Variants in SLC13A3 observed in about 807,000 individuals in gnomAD.
SLC13A3 encodes the protein solute carrier family 13 member 3, also known as Na(+)/dicarboxylate cotransporter 3.
SLC13A3 carries 40 observed loss-of-function variants against 59.0 expected under a neutral mutation model. The observed-to-expected ratio is 0.68, with a 90% CI of 0.53 to 0.88. The LOEUF (loss-of-function observed/expected upper bound fraction) is 0.88, where lower values mean the gene tolerates loss of function less well. Among genes scored for constraint, SLC13A3 ranks in the 40% least tolerant of loss-of-function variants. SLC13A3 has a pLI of 0.00. For synonymous variants in SLC13A3, 317 were observed against 330.3 expected, an observed-to-expected ratio of 0.96 and a Z score of 0.44; for missense variants, 699 against 783.2, an observed-to-expected ratio of 0.89 and a Z score of 1.28.
At chr20:46,580,502 T>C (rs1159718926) in intron 9 of SLC13A3, among the ~76,000 whole-genome samples, 1 of 149,354 alleles carries the variant, frequency 6.7e-6, no homozygotes, top group Non-Finnish European at 1.5e-5. Context: ...TATAAATATA[T>C]ACAATATATA....
chr20:46,562,978 G>A (rs763490247), intron 12 of SLC13A3, among the ~76,000 whole-genome samples: 1 of 152,182 alleles, frequency 6.6e-6, no homozygotes, highest in African/African-American at 2.4e-5. Context: ...GGGACCTTCC[G>A]GGGGAGGGAA....
rs1600520292 is a variant in SLC13A3, at chr20:46,585,305, A to C, written c.1122-1636T>G. 7.1e-6 allele frequency: 7 copies of C among 989,576 alleles called. No homozygotes were observed. In the South Asian group the frequency reaches 2.8e-4, roughly 39 times the overall value. The allele number at this position is 989,576 out of a possible 1,614,324, so 61.3% of individuals were successfully genotyped here. A position where few individuals can be genotyped will look rare whatever the true frequency, so the allele number is the denominator to read the frequency against. On this transcript the variant is annotated intron_variant, in intron 8 of 12. Transcript: ENST00000279027. ...ATACACCAAACTGCTCATGGTGATGATCTCTGGGCAGTGGGACATAAAGTG... is the reference window on the plus strand; with the variant it reads ...ATACACCAAACTGCTCATGGTGATGCTCTCTGGGCAGTGGGACATAAAGTG...
chr20:46,651,900 T>C (rs1200763790), upstream of SLC13A3, among the ~76,000 whole-genome samples: 1 of 152,214 alleles, frequency 6.6e-6, no homozygotes, highest in Non-Finnish European at 1.5e-5. Context: ...TGGAATACTA[T>C]GCAGTCACAA....
At chr20:46,583,272 T>A in intron 9 of SLC13A3, 1 of 717,814 alleles carries the variant, frequency 1.4e-6, no homozygotes, top group Non-Finnish European at 1.8e-6. Flanking sequence ...TAGTAAAATG[T>A]TTTTCTTTTG....
chr20:46,679,716 G>A (rs1377862045), intron 1 of SLC13A3, among the ~76,000 whole-genome samples: 1 of 152,076 alleles, frequency 6.6e-6, no homozygotes, highest in Non-Finnish European at 1.5e-5. Flanking sequence ...AGACCAGCTT[G>A]GCCAATATGG....
At chr20:46,683,874 C>A (rs1338780144) in intron 1 of SLC13A3, among the ~76,000 whole-genome samples, 1 of 152,150 alleles carries the variant, frequency 6.6e-6, no homozygotes, top group Non-Finnish European at 1.5e-5. Context: ...TTTTACTGGA[C>A]CAGCTGGTTT....
chr20:46,615,205 G>A (rs1252318168), intron 1 of SLC13A3, among the ~76,000 whole-genome samples: 1 of 152,140 alleles, frequency 6.6e-6, no homozygotes, highest in African/African-American at 2.4e-5. Context: ...CAACGATCTT[G>A]CATATTCTAG....
At chr20:46,583,891 C>G in intron 8 of SLC13A3, 1 of 985,362 alleles carries the variant, frequency 1.0e-6, no homozygotes, top group Non-Finnish European at 1.2e-6. Context: ...TGGGCTCAAG[C>G]AAATGCTTAT....
intron 11 of SLC13A3, 74 bp from the exon 12 acceptor site, chr20:46,563,625 A>AGAGAGAGC: frequency 6.7e-7 from 1 of 1,489,582 alleles, no homozygotes; most frequent in Non-Finnish European, 9.1e-7. Context: ...GGAGAGAGAG[A>AGAGAGAGC]GAGAGAGGCA....
intron 1 of SLC13A3, among the ~76,000 whole-genome samples, chr20:46,632,906 TAG>T (rs147754429): frequency 8.5e-5 from 5 of 58,950 alleles, no homozygotes; most frequent in East Asian, 4.7e-4. Flanking sequence ...GATAGATAGA[TAG>T]ATATATCTAT....
At chr20:46,615,927 G>C (rs2062549908) in intron 1 of SLC13A3, among the ~76,000 whole-genome samples, 1 of 152,160 alleles carries the variant, frequency 6.6e-6, no homozygotes. Flanking sequence ...AGCTGCCACA[G>C]TTAATACAAA....
upstream of SLC13A3, among the ~76,000 whole-genome samples, chr20:46,654,885 T>C (rs2062973345): frequency 6.6e-6 from 1 of 152,170 alleles, no homozygotes; most frequent in South Asian, 2.1e-4. Flanking sequence ...CAAATTCTCT[T>C]AGTTTTCCAA....
rs144870809 is a variant in SLC13A3, at chr20:46,613,084, T to A, written c.377+376A>T. ...ACAGGCAGACAGAGGTTAAGTTATT[T>A]TTCAGAGCAGGTCACCTGGGATTCA... On this transcript the variant is annotated intron_variant, in intron 2 of 12. Coordinates refer to ENST00000279027, the MANE Select transcript of SLC13A3 (RefSeq NM_022829.6). Among the ~76,000 whole-genome samples, 9 of 151,832 alleles carry A rather than the reference T, an allele frequency of 5.9e-5. No individual in the cohort carries two copies. The East Asian group carries it at 1.7e-3, about 29-fold the overall frequency.
intron 12 of SLC13A3, among the ~76,000 whole-genome samples, chr20:46,561,459 G>A (rs1158436909): frequency 1.3e-5 from 2 of 152,162 alleles, no homozygotes; most frequent in African/African-American, 2.4e-5. Flanking sequence ...CTCTGCTCCT[G>A]TCAGTTGCCC....
chr20:46,596,470 A>G, intron 4 of SLC13A3, 128 bp from the exon 5 acceptor site: 1 of 738,930 alleles, frequency 1.4e-6, no homozygotes, highest in South Asian at 1.7e-5. Context: ...ACCCGTAACA[A>G]GGTGCAACTC....
intron 9 of SLC13A3, among the ~76,000 whole-genome samples, chr20:46,578,704 T>G (rs1424455257): frequency 6.6e-6 from 1 of 151,884 alleles, no homozygotes; most frequent in Non-Finnish European, 1.5e-5. Flanking sequence ...GCCAAGAAAT[T>G]TCATGTGCTA....
At chr20:46,678,691 A>C (rs907219238) in intron 1 of SLC13A3, among the ~76,000 whole-genome samples, 1 of 151,858 alleles carries the variant, frequency 6.6e-6, no homozygotes, top group Non-Finnish European at 1.5e-5. Flanking sequence ...CTTCCACAGA[A>C]GCAATCTTCC....
intron 1 of SLC13A3, among the ~76,000 whole-genome samples, chr20:46,634,481 A>T (rs546196892): frequency 1.3e-5 from 2 of 152,084 alleles, no homozygotes; most frequent in Non-Finnish European, 2.9e-5. Flanking sequence ...TCAATGGGGG[A>T]AACAGAAAGG....
upstream of SLC13A3, among the ~76,000 whole-genome samples, chr20:46,655,924 TATATA>T (rs2062984660): frequency 7.0e-6 from 1 of 142,552 alleles, no homozygotes; most frequent in Non-Finnish European, 1.5e-5. Context: ...TATATATACG[TATATA>T]ATATACTACA....
Sources: allele counts gnomAD v4.1 joint callset (sites outside exome capture counted in the v4.1 genomes callset), GRCh38; gene constraint gnomAD v4.1.1; transcripts MANE v1.5; gene names NCBI Gene and HGNC (gene_info 2026-07-23, HGNC 2026-07-21).